Variants in DNER observed in about 807,000 individuals in gnomAD.
DNER encodes the protein delta and Notch-like epidermal growth factor-related receptor.
A neutral mutation model predicts 78.2 loss-of-function variants in DNER; 33 were observed. The ratio of observed to expected loss-of-function variants is 0.42; its 90% CI spans 0.32 to 0.56. The LOEUF is 0.56. Ranked by LOEUF, DNER falls within the 20% of genes least tolerant of loss-of-function variation. The pLI, the probability that DNER is intolerant of heterozygous loss-of-function variation, is 0.11. For synonymous variants in DNER, 417 were observed against 384.8 expected (o/e 1.08, Z -0.98); for missense variants, 918 against 975.3 (o/e 0.94, Z 0.78).
chr2:229,423,089 G>C (rs1192462780), intron 8 of DNER, among the ~76,000 whole-genome samples: 1 of 152,076 alleles, frequency 6.6e-6, no homozygotes, highest in Non-Finnish European at 1.5e-5. Context: ...TTAGGGGTGG[G>C]AGTGATCCTT....
chr2:229,625,404 G>A (rs1345569636), intron 1 of DNER, among the ~76,000 whole-genome samples: 2 of 151,888 alleles, frequency 1.3e-5, no homozygotes, highest in African/African-American at 2.4e-5. Context: ...AACATCTACT[G>A]ACACCTCCCC....
intron 5 of DNER, among the ~76,000 whole-genome samples, chr2:229,522,619 GA>G (rs916611327): frequency 4.6e-5 from 7 of 151,782 alleles, no homozygotes; most frequent in Non-Finnish European, 7.4e-5. Flanking sequence ...CAAGAAAATG[GA>G]AAAAAAATAC....
chr2:229,524,600 G>A (rs1181254774), intron 5 of DNER, among the ~76,000 whole-genome samples: 1 of 152,182 alleles, frequency 6.6e-6, no homozygotes, highest in East Asian at 1.9e-4. Flanking sequence ...TGTATGCAGA[G>A]ATTAGAAATT....
At chr2:229,524,249 TG>T (rs1696157150) in intron 5 of DNER, among the ~76,000 whole-genome samples, 1 of 152,244 alleles carries the variant, frequency 6.6e-6, no homozygotes, top group Admixed American at 6.5e-5. Context: ...ATCTTGTTCC[TG>T]GGTCTTCTCT....
At chr2:229,637,051 T>G (rs1030002645) in intron 1 of DNER, among the ~76,000 whole-genome samples, 3 of 152,244 alleles carry the variant, frequency 2.0e-5, no homozygotes, top group African/African-American at 7.2e-5. Context: ...GAGAAACTTC[T>G]GTGAGGAACC....
At chr2:229,505,920 CT>C (rs1695733314) in intron 6 of DNER, among the ~76,000 whole-genome samples, 1 of 152,180 alleles carries the variant, frequency 6.6e-6, no homozygotes, top group Non-Finnish European at 1.5e-5. Flanking sequence ...CAGAAAGCAG[CT>C]TACTTAAACC....
At chr2:229,546,818 CAGACAGACAGACAGAT>C (rs1696636082) in intron 5 of DNER, 113 bp downstream of exon 5, 1 of 1,330,632 alleles carries the variant, frequency 7.5e-7, no homozygotes, top group African/African-American at 1.6e-5. Context: ...GACAGACAGA[CAGACAGACAGACAGAT>C]AGATAGATAG....
intron 6 of DNER, among the ~76,000 whole-genome samples, chr2:229,491,542 C>T (rs1356664713): frequency 6.6e-6 from 1 of 152,244 alleles, no homozygotes; most frequent in Non-Finnish European, 1.5e-5. Context: ...ACTATTTCCT[C>T]TGCCTGCAAT....
At chr2:229,484,948 T>G (rs781141644) in intron 6 of DNER, among the ~76,000 whole-genome samples, 18 of 152,214 alleles carry the variant, frequency 1.2e-4, no homozygotes, top group Non-Finnish European at 2.1e-4. Context: ...TCAGGAATAT[T>G]TATAATCCCT....
intron 4 of DNER, among the ~76,000 whole-genome samples, chr2:229,555,311 A>G (rs1276181922): frequency 6.6e-6 from 1 of 152,132 alleles, no homozygotes; most frequent in African/African-American, 2.4e-5. Flanking sequence ...TTCTTCCTTT[A>G]TGGCCCTGAA....
At chr2:229,557,442 G>C (rs1394124304) in intron 4 of DNER, among the ~76,000 whole-genome samples, 1 of 152,192 alleles carries the variant, frequency 6.6e-6, no homozygotes, top group Non-Finnish European at 1.5e-5. Context: ...GTAGCAGTGA[G>C]AATGACAGTC....
chr2:229,528,304 ATGGCTTCTTT>A (rs1696242882), intron 5 of DNER, among the ~76,000 whole-genome samples: 1 of 152,222 alleles, frequency 6.6e-6, no homozygotes, highest in Admixed American at 6.5e-5. Flanking sequence ...GAGGCAACTG[ATGGCTTCTTT>A]TGTGGTTTGC....
chr2:229,706,496 G>A (rs1441260495), intron 1 of DNER, among the ~76,000 whole-genome samples: 1 of 151,918 alleles, frequency 6.6e-6, no homozygotes, highest in Non-Finnish European at 1.5e-5. Flanking sequence ...ATGAGAGGTG[G>A]AGGCAGCAGT....
chr2:229,649,041 C>T (rs980522331), intron 1 of DNER, among the ~76,000 whole-genome samples: 5 of 152,218 alleles, frequency 3.3e-5, no homozygotes, highest in African/African-American at 9.6e-5. Context: ...GAAGTCACTA[C>T]ATTTAACAGG....
At chr2:229,399,004 A>T (rs562293818) in intron 10 of DNER, among the ~76,000 whole-genome samples, 1 of 152,142 alleles carries the variant, frequency 6.6e-6, no homozygotes, top group Admixed American at 6.5e-5. Flanking sequence ...CTTTTCCCCT[A>T]ATGTTGAAAA....
chr2:229,442,656 C>T (rs1694260987), intron 8 of DNER, among the ~76,000 whole-genome samples: 1 of 152,146 alleles, frequency 6.6e-6, no homozygotes, highest in South Asian at 2.1e-4. Context: ...CAAACCTTTG[C>T]AGGTATATTT....
At chr2:229,605,030 A>C (rs534146517) in intron 1 of DNER, among the ~76,000 whole-genome samples, 36 of 152,328 alleles carry the variant, frequency 2.4e-4, no homozygotes, top group African/African-American at 7.9e-4. Flanking sequence ...TGGCTAGCAA[A>C]TCTGCTCAAA....
intron 4 of DNER, among the ~76,000 whole-genome samples, chr2:229,555,307 C>T (rs1204886391): frequency 6.6e-6 from 1 of 152,102 alleles, no homozygotes; most frequent in Admixed American, 6.5e-5. Context: ...TCTATTCTTC[C>T]TTTATGGCCC....
At chr2:229,359,184 G>C (rs1309360256) in intron 12 of DNER, among the ~76,000 whole-genome samples, 2 of 152,168 alleles carry the variant, frequency 1.3e-5, no homozygotes, top group Non-Finnish European at 2.9e-5. Context: ...AGAGGTGTCT[G>C]TCCACAAACT....
Sources: gnomAD v4.1 joint callset for allele counts (sites outside exome capture counted in the v4.1 genomes callset) on GRCh38, gnomAD v4.1.1 for gene constraint, MANE v1.5 for transcripts, NCBI Gene and HGNC (gene_info 2026-07-23, HGNC 2026-07-21) for gene names.